The following SLC25A13 variants were observed in gnomAD, a reference collection of about 807,000 sequenced individuals.
SLC25A13 encodes the protein electrogenic aspartate/glutamate antiporter SLC25A13, mitochondrial.
In SLC25A13, 70 loss-of-function variants were observed where a neutral mutation model predicts 85.5. The observed-to-expected ratio is 0.82, with a 90% CI of 0.68 to 1.00. The LOEUF is 1.00. Ranked by LOEUF, SLC25A13 falls within the 50% of genes least tolerant of loss-of-function variation. SLC25A13 has a pLI of 0.00. For synonymous variants in SLC25A13, 259 were observed against 288.7 expected, an observed-to-expected ratio of 0.90 and a Z score of 1.04; for missense variants, 765 against 819.8, an observed-to-expected ratio of 0.93 and a Z score of 0.82.
intron 3 of SLC25A13, among the ~76,000 whole-genome samples, chr7:96,242,272 A>G (rs1192864645): frequency 6.6e-6 from 1 of 152,014 alleles, no homozygotes; most frequent in South Asian, 2.1e-4. Flanking sequence ...CTGGAACTGG[A>G]CTCTCCTGTG....
At chr7:96,309,231 T>TGG (rs1467130066) in intron 1 of SLC25A13, among the ~76,000 whole-genome samples, 3 of 152,188 alleles carry the variant, frequency 2.0e-5, no homozygotes, top group Non-Finnish European at 2.9e-5. Flanking sequence ...TGGAACACAT[T>TGG]GTTTGGACCT....
intron 1 of SLC25A13, among the ~76,000 whole-genome samples, chr7:96,321,638 G>C (rs1366292357): frequency 6.6e-6 from 1 of 152,120 alleles, no homozygotes; most frequent in Admixed American, 6.5e-5. Context: ...CCCCAGTCGC[G>C]CCCGCTCCTC....
intron 1 of SLC25A13, among the ~76,000 whole-genome samples, chr7:96,298,238 T>C (rs937908696): frequency 5.9e-5 from 9 of 152,168 alleles, no homozygotes; most frequent in Non-Finnish European, 1.5e-5. Context: ...ATGAGTTCTC[T>C]GTCTCTAAAT....
chr7:96,154,927 T>C (rs533776821), intron 13 of SLC25A13, among the ~76,000 whole-genome samples: 2 of 152,088 alleles, frequency 1.3e-5, no homozygotes, highest in Non-Finnish European at 1.5e-5. Context: ...CCTCCTGCTG[T>C]AGCTGGGATT....
At chr7:96,142,694 G>A (rs1237373860) in intron 14 of SLC25A13, among the ~76,000 whole-genome samples, 1 of 152,056 alleles carries the variant, frequency 6.6e-6, no homozygotes, top group Non-Finnish European at 1.5e-5. Context: ...GCAGTAAAGG[G>A]TAGAGAGATA....
chr7:96,191,860 A>T (rs1436925941), intron 6 of SLC25A13, among the ~76,000 whole-genome samples: 1 of 152,294 alleles, frequency 6.6e-6, no homozygotes, highest in East Asian at 1.9e-4. Context: ...AAATTCTGAT[A>T]ATCAGAATTT....
At chr7:96,140,442 T>C (rs1176604141) in intron 14 of SLC25A13, among the ~76,000 whole-genome samples, 9 of 129,632 alleles carry the variant, frequency 6.9e-5, no homozygotes, top group Non-Finnish European at 1.4e-4. Context: ...TCTCCCTCTG[T>C]CACCCAGGCT....
chr7:96,277,607 A>G (rs2116940443), intron 2 of SLC25A13, among the ~76,000 whole-genome samples: 1 of 152,288 alleles, frequency 6.6e-6, no homozygotes, highest in South Asian at 2.1e-4. Flanking sequence ...CATGTGAGGA[A>G]GGGTGCTACT....
At chr7:96,289,940 G>C (rs943263098) in intron 2 of SLC25A13, among the ~76,000 whole-genome samples, 1 of 152,070 alleles carries the variant, frequency 6.6e-6, no homozygotes, top group Non-Finnish European at 1.5e-5. Context: ...AGAAGAGCAA[G>C]TCCAAGACAC....
At chr7:96,239,440 A>C (rs1474501904) in intron 3 of SLC25A13, among the ~76,000 whole-genome samples, 1 of 151,978 alleles carries the variant, frequency 6.6e-6, no homozygotes, top group Non-Finnish European at 1.5e-5. Context: ...TTTAATGAGC[A>C]TTAACGTAAG....
At chr7:96,174,561 A>C (rs1365912990) in intron 11 of SLC25A13, among the ~76,000 whole-genome samples, 1 of 152,248 alleles carries the variant, frequency 6.6e-6, no homozygotes, top group Non-Finnish European at 1.5e-5. Flanking sequence ...ATTCACATCA[A>C]GTAACAAAAT....
chr7:96,214,200 T>C (rs1056932323), intron 4 of SLC25A13, among the ~76,000 whole-genome samples: 18 of 152,310 alleles, frequency 1.2e-4, no homozygotes, highest in African/African-American at 3.8e-4. Context: ...AAAGTCAACC[T>C]ATTTCTCCCA....
chr7:96,157,427 T>C lies in SLC25A13; in HGVS notation c.1312-10731A>G, dbSNP rs185630156. Among the ~76,000 whole-genome samples the C allele has an allele frequency of 3.9e-5, 6 of 152,304 alleles. No homozygotes were observed. In the East Asian group the frequency reaches 1.2e-3, roughly 29 times the overall value. On this transcript the variant is annotated intron_variant, in intron 13 of 17. Coordinates refer to ENST00000265631, the MANE Select transcript of SLC25A13 (RefSeq NM_014251.3). Reference sequence around the variant, plus strand: ...CTTACGGTTTTGCCACCCGAATCCCTCTTGCCATGTTACATAATGACTTCA... The same window carrying C: ...CTTACGGTTTTGCCACCCGAATCCCCCTTGCCATGTTACATAATGACTTCA...
chr7:96,155,287 AT>A (rs1457385388), intron 13 of SLC25A13, among the ~76,000 whole-genome samples: 5 of 151,878 alleles, frequency 3.3e-5, no homozygotes, highest in African/African-American at 9.7e-5. Flanking sequence ...TTGTGTAAGG[AT>A]TTTTTTTCAA....
chr7:96,179,276 G>C (rs1018584447), intron 11 of SLC25A13, among the ~76,000 whole-genome samples: 1 of 152,136 alleles, frequency 6.6e-6, no homozygotes, highest in Non-Finnish European at 1.5e-5. Context: ...CTCCTACTGA[G>C]GTTTAATCTA....
At chr7:96,306,910 C>T (rs994076595) in intron 1 of SLC25A13, 6 of 1,040,222 alleles carry the variant, frequency 5.8e-6, no homozygotes, top group South Asian at 1.3e-5. Context: ...TTGCCCTTCA[C>T]TTGTGTGCCT....
chr7:96,165,567 GAA>G (rs1318039077), intron 13 of SLC25A13, among the ~76,000 whole-genome samples: 1 of 152,126 alleles, frequency 6.6e-6, no homozygotes, highest in Non-Finnish European at 1.5e-5. Flanking sequence ...GCACTAATGG[GAA>G]AAAATGCAAA....
chr7:96,217,993 G>A (rs976726417), intron 4 of SLC25A13, among the ~76,000 whole-genome samples: 5 of 150,256 alleles, frequency 3.3e-5, no homozygotes, highest in South Asian at 2.1e-4. Flanking sequence ...GACTCAATTC[G>A]CTCAATCTTT....
At chr7:96,278,555 C>T (rs1225240280) in intron 2 of SLC25A13, among the ~76,000 whole-genome samples, 2 of 152,148 alleles carry the variant, frequency 1.3e-5, no homozygotes, top group African/African-American at 4.8e-5. Flanking sequence ...CTTTTGGTAC[C>T]TCTGGTTCCT....
Sources: gnomAD v4.1 joint callset for allele counts (sites outside exome capture counted in the v4.1 genomes callset) on GRCh38, gnomAD v4.1.1 for gene constraint, MANE v1.5 for transcripts, NCBI Gene and HGNC (gene_info 2026-07-23, HGNC 2026-07-21) for gene names.